Variants in CNTNAP2 observed in about 807,000 individuals in gnomAD.
CNTNAP2 encodes contactin-associated protein-like 2.
CNTNAP2 carries 98 observed loss-of-function variants against 155.2 expected under a neutral mutation model. That is an observed-to-expected ratio of 0.63 (90% CI 0.54 to 0.75). The LOEUF (loss-of-function observed/expected upper bound fraction) is 0.75, where lower values mean the gene tolerates loss of function less well. Among genes scored for constraint, CNTNAP2 ranks in the 30% least tolerant of loss-of-function variants. CNTNAP2 has a pLI of 0.00. For synonymous variants in CNTNAP2, 651 were observed against 631.2 expected, an observed-to-expected ratio of 1.03 and a Z score of -0.47; for missense variants, 1,727 against 1,688.1, an observed-to-expected ratio of 1.02 and a Z score of -0.40.
At chr7:148,308,427 G>A (rs375476246) in intron 21 of CNTNAP2, among the ~76,000 whole-genome samples, 3 of 96,458 alleles carry the variant, frequency 3.1e-5, no homozygotes, top group Non-Finnish European at 4.5e-5. Flanking sequence ...GGCTAAGAAC[G>A]AATGTACCTA....
intron 15 of CNTNAP2, among the ~76,000 whole-genome samples, chr7:148,024,613 C>T (rs908287121): frequency 9.8e-5 from 15 of 152,290 alleles, no homozygotes; most frequent in South Asian, 4.1e-4. Flanking sequence ...CATGTTATTA[C>T]CATGCTGCTA....
At chr7:147,127,428 C>A (rs976624468) in intron 6 of CNTNAP2, among the ~76,000 whole-genome samples, 4 of 151,914 alleles carry the variant, frequency 2.6e-5, no homozygotes, top group East Asian at 1.9e-4. Context: ...TGTTTCCCCC[C>A]CTAAAAGTAC....
chr7:147,903,840 T>C, intron 14 of CNTNAP2, 119 bp downstream of exon 14: 1 of 1,298,690 alleles, frequency 7.7e-7, no homozygotes, highest in Non-Finnish European at 1.1e-6. Flanking sequence ...GGTAGAAAGG[T>C]CTGGAACTAA....
At chr7:147,325,964 C>G (rs574448000) in intron 9 of CNTNAP2, among the ~76,000 whole-genome samples, 53 of 152,262 alleles carry the variant, frequency 3.5e-4, no homozygotes, top group African/African-American at 9.6e-4. Flanking sequence ...GCTCTGTAGC[C>G]CTGGCTGGAG....
At chr7:147,632,962 G>A (rs574738893) in intron 12 of CNTNAP2, among the ~76,000 whole-genome samples, 1 of 152,324 alleles carries the variant, frequency 6.6e-6, no homozygotes, top group South Asian at 2.1e-4. Context: ...AGGAAGCAGA[G>A]CATAAAAGTT....
intron 8 of CNTNAP2, among the ~76,000 whole-genome samples, chr7:147,210,132 C>T (rs931071898): frequency 7.2e-5 from 11 of 151,976 alleles, no homozygotes; most frequent in Admixed American, 6.6e-4. Flanking sequence ...TGGAACCCCT[C>T]CTCCTTGGTT....
chr7:146,579,031 GTTTA>G (rs1798568084), intron 1 of CNTNAP2, among the ~76,000 whole-genome samples: 1 of 151,944 alleles, frequency 6.6e-6, no homozygotes, highest in Non-Finnish European at 1.5e-5. Flanking sequence ...TTTACTTTGT[GTTTA>G]TTTATTTGTC....
At chr7:147,677,534 T>G (rs1021395408) in intron 13 of CNTNAP2, among the ~76,000 whole-genome samples, 5 of 151,948 alleles carry the variant, frequency 3.3e-5, no homozygotes, top group African/African-American at 1.2e-4. Context: ...GCAGTCCTAT[T>G]TGTCTATCTT....
intron 13 of CNTNAP2, among the ~76,000 whole-genome samples, chr7:147,828,346 T>C (rs549074323): frequency 6.6e-5 from 10 of 152,312 alleles, no homozygotes; most frequent in African/African-American, 2.2e-4. Flanking sequence ...TTTCATTTAA[T>C]ACCACTAAGT....
chr7:146,587,677 T>G (rs1431790674), intron 1 of CNTNAP2, among the ~76,000 whole-genome samples: 2 of 151,226 alleles, frequency 1.3e-5, no homozygotes, highest in African/African-American at 4.9e-5. Context: ...AATTTTCTTT[T>G]TCATTTTTTT....
At chr7:146,955,797 A>T (rs1317923026) in intron 3 of CNTNAP2, among the ~76,000 whole-genome samples, 1 of 152,028 alleles carries the variant, frequency 6.6e-6, no homozygotes, top group Non-Finnish European at 1.5e-5. Flanking sequence ...TAGCAGTTTA[A>T]TTTGTGCAGT....
chr7:148,087,799 T>C (rs1283083589), intron 15 of CNTNAP2, among the ~76,000 whole-genome samples: 1 of 151,892 alleles, frequency 6.6e-6, no homozygotes, highest in African/African-American at 2.4e-5. Context: ...AACAGGAGAG[T>C]TGATGGTAAG....
chr7:147,369,685 T>A (rs1407700787), intron 9 of CNTNAP2, among the ~76,000 whole-genome samples: 1 of 152,186 alleles, frequency 6.6e-6, no homozygotes, highest in East Asian at 1.9e-4. Context: ...CATACTCCTG[T>A]TCCTCAAAGT....
chr7:147,233,351 C>T (rs1485242139), intron 8 of CNTNAP2, among the ~76,000 whole-genome samples: 2 of 152,184 alleles, frequency 1.3e-5, no homozygotes, highest in East Asian at 1.9e-4. Context: ...ACTGTTGACT[C>T]ACAGAGTCTG....
chr7:148,015,443 C>T (rs73466173), intron 15 of CNTNAP2, among the ~76,000 whole-genome samples: 6,292 of 152,246 alleles, frequency 0.041, 438 homozygotes, highest in African/African-American at 0.14. Flanking sequence ...CACAGAGGAG[C>T]GCCTGTGTCC....
At chr7:148,271,829 G>A (rs909986560) in intron 21 of CNTNAP2, among the ~76,000 whole-genome samples, 1 of 152,138 alleles carries the variant, frequency 6.6e-6, no homozygotes, top group Non-Finnish European at 1.5e-5. Context: ...CCCCAGTTGT[G>A]TAAAAATCCA....
intron 1 of CNTNAP2, among the ~76,000 whole-genome samples, chr7:146,173,996 T>C (rs561870949): frequency 2.0e-5 from 3 of 152,034 alleles, no homozygotes; most frequent in Non-Finnish European, 2.9e-5. Flanking sequence ...CATTTGAAGT[T>C]AGGAGTTCAA....
At chr7:146,796,174 G>A (rs572564756) in intron 2 of CNTNAP2, among the ~76,000 whole-genome samples, 11 of 152,254 alleles carry the variant, frequency 7.2e-5, no homozygotes, top group South Asian at 2.1e-4. Flanking sequence ...GAAGGCTATC[G>A]GTTACTTCTA....
rs1798187384 is a variant in CNTNAP2, at chr7:146,555,616, T to C, written c.98-218655T>C. On this transcript the variant is annotated intron_variant, in intron 1 of 23. Transcript: ENST00000361727. Reference sequence around the variant, plus strand: ...GGGAGATTGTAGACTGTAGGAGAGGTACACTTATATATGTAAACATTTAGA... The same window carrying C: ...GGGAGATTGTAGACTGTAGGAGAGGCACACTTATATATGTAAACATTTAGA... Among the ~76,000 whole-genome samples, 3 of 152,206 alleles carry C rather than the reference T, an allele frequency of 2.0e-5. No individual in the cohort carries two copies. The South Asian group carries it at 6.2e-4, about 32-fold the overall frequency.
Sources: allele counts gnomAD v4.1 joint callset (sites outside exome capture counted in the v4.1 genomes callset), GRCh38; gene constraint gnomAD v4.1.1; transcripts MANE v1.5; gene names NCBI Gene and HGNC (gene_info 2026-07-23, HGNC 2026-07-21).